FBXO24: variants seen among roughly 807,000 people sequenced by gnomAD.
FBXO24 encodes the protein F-box only protein 24.
FBXO24 carries 30 observed loss-of-function variants against 63.5 expected under a neutral mutation model. The ratio of observed to expected loss-of-function variants is 0.47; its 90% CI spans 0.35 to 0.64. The LOEUF (loss-of-function observed/expected upper bound fraction) is 0.64. Among genes scored for constraint, FBXO24 ranks in the 30% least tolerant of loss-of-function variants. The pLI, the probability that FBXO24 is intolerant of heterozygous loss-of-function variation, is 0.00. For synonymous variants in FBXO24, 300 were observed against 305.0 expected, an observed-to-expected ratio of 0.98 and a Z score of 0.17; for missense variants, 624 against 763.4, an observed-to-expected ratio of 0.82 and a Z score of 2.15.
At position 100,595,127 on chromosome 7, in the gene FBXO24, G is replaced by T. The variant is rs1584429098; in HGVS notation, c.978G>T (p.Val326=). 1.9e-6 allele frequency: 3 copies of T among 1,614,026 alleles called. No homozygotes were observed. Among genetic ancestry groups the T allele is most frequent in the East Asian group, 4.5e-5 (2 of 44,878 alleles). ...VTDQGGVYFE[V]HTPGVYRDLF... ...ACCAGGGGGGAGTGTATTTTGAGGT[G>T]CATACCCCAGGGGTGTATCGCGATC... Residue 326 remains valine (V), a synonymous_variant, in exon 7 of 10, where the codon GTG becomes GTT. Transcript: ENST00000241071.
At chr7:100,595,779 T>A (rs1802278211) in intron 8 of FBXO24, 73 bp downstream of exon 8, 4 of 1,487,138 alleles carry the variant, frequency 2.7e-6, no homozygotes, top group Non-Finnish European at 2.7e-6. Flanking sequence ...TCTGTCCACT[T>A]CTCCAGATTC....
At position 100,600,943 on chromosome 7, in the gene FBXO24, C is replaced by T; in HGVS notation, c.*44C>T. 6.3e-7 allele frequency: 1 copy of T among 1,581,550 alleles called. No individual in the cohort carries two copies. Among genetic ancestry groups the T allele is most frequent in the Non-Finnish European group, 8.6e-7 (1 of 1,165,734 alleles). On this transcript the variant is annotated 3_prime_UTR_variant, in exon 10 of 10. Transcript: ENST00000241071. The surrounding 1 kb of genome is among the most constrained non-coding windows in gnomAD (Gnocchi z 6.3). The stretch of plus-strand genomic sequence containing the variant: ...AGTCCCTGGAGGAGGGAGTCCGGCC[C>T]CAGGCCAGGGACTAAGGAGCAATGA...
At chr7:100,599,909 C>G (rs1331544929) in intron 8 of FBXO24, 122 bp from the exon 9 acceptor site, 2 of 1,137,108 alleles carry the variant, frequency 1.8e-6, no homozygotes, top group Middle Eastern at 2.9e-4. Context: ...TGGGACAGTG[C>G]TGGCTCCCAT....
At position 100,600,600 on chromosome 7, in the gene FBXO24, A is replaced by G; in HGVS notation, c.1444A>G (p.Ile482Val). The stretch of plus-strand genomic sequence containing the variant: ...CCTATACATCCTGTCCAGCCACGAC[A>G]TTGAGCAGCACGCCCCCTATCGCCA... ...ECLYILSSHD[I>V]EQHAPYRHLP... Residue 482 changes from isoleucine to valine, a missense_variant, in exon 10 of 10, where the codon ATT becomes GTT. Physicochemically the swap from Ile to Val is conservative, Grantham distance 29. Coordinates refer to ENST00000241071, the MANE Select transcript of FBXO24 (RefSeq NM_033506.3). This position sits in a 1 kb window ranked among gnomAD's most constrained non-coding sequence, Gnocchi z 6.3. 6.2e-7 allele frequency: 1 copy of G among 1,611,898 alleles called. No homozygotes were observed. Among genetic ancestry groups the G allele is most frequent in the Non-Finnish European group, 8.5e-7 (1 of 1,178,678 alleles).
At chr7:100,588,985 G>A (rs2131259099) in intron 1 of FBXO24, among the ~76,000 whole-genome samples, 1 of 151,774 alleles carries the variant, frequency 6.6e-6, no homozygotes, top group South Asian at 2.1e-4. Context: ...ACCACGCCTG[G>A]GTAATTTTTA....
chr7:100,595,695 G>C lies in FBXO24; in HGVS notation c.1195G>C (p.Glu399Gln). The C allele has an allele frequency of 1.2e-6, 2 of 1,607,486 alleles. No homozygotes were observed. Among genetic ancestry groups the C allele is most frequent in the South Asian group, 1.1e-5 (1 of 90,408 alleles). The change falls in exon 8 of 10, where the codon GAA becomes CAA. Residue 399 changes from glutamate (E) to glutamine (Q), a missense_variant. Physicochemically the swap from Glu to Gln is conservative, Grantham distance 29. Coordinates refer to ENST00000241071, the MANE Select transcript of FBXO24 (RefSeq NM_033506.3). Reference protein sequence around the residue: ...LGTGDKMDRGEPTQVCYLQRP... With the variant: ...LGTGDKMDRGQPTQVCYLQRP... ...AACAGGGGACAAAATGGACCGAGGG[G>C]AACCCACACAGGTGAGACTATTTCC...
At position 100,595,105 on chromosome 7, in the gene FBXO24, A is replaced by G; in HGVS notation, c.956A>G (p.Gln319Arg). 1 of 1,613,816 alleles carries G rather than the reference A, an allele frequency of 6.2e-7. No individual in the cohort carries two copies. Among genetic ancestry groups the G allele is most frequent in the Non-Finnish European group, 8.5e-7 (1 of 1,179,872 alleles). Reference protein sequence around the residue: ...NQSSTLYVTDQGGVYFEVHTP... With the variant: ...NQSSTLYVTDRGGVYFEVHTP... ...CTGAGGGCTCCTGACCCCCCAGACC[A>G]GGGGGGAGTGTATTTTGAGGTGCAT... Residue 319 changes from glutamine to arginine, a missense_variant, in exon 7 of 10, where the codon CAG (glutamine) becomes CGG (arginine). Around this residue, in one of 3 missense-constraint regions of FBXO24, gnomAD observed 391 missense variants for 469.1 expected, o/e 0.83. Coordinates refer to ENST00000241071, the MANE Select transcript of FBXO24 (RefSeq NM_033506.3).
rs138404913 is a variant in FBXO24 at position 100,592,088 on chromosome 7, G to A, written c.558+186G>A. On this transcript the variant is annotated intron_variant, in intron 4 of 9. Coordinates refer to ENST00000241071, the MANE Select transcript of FBXO24 (RefSeq NM_033506.3). ...CCAGCCTGGCCAAATGGCGAAACCC[G>A]TCTCTACTAAAAATACAAAAATTAG... 843 of 564,574 alleles carry A rather than the reference G, an allele frequency of 1.5e-3. 6 individuals carry two copies. The highest frequency in any genetic ancestry group is 0.015 in the African/African-American group (777 of 52,988). 35.0% of individuals were successfully genotyped at this position (564,574 alleles called of 1,614,324 possible). A position where few individuals can be genotyped will look rare whatever the true frequency, so the allele number is the denominator to read the frequency against.
chr7:100,600,905 C>T lies in FBXO24; in HGVS notation c.*6C>T, dbSNP rs1430687487. 2.5e-6 allele frequency: 4 copies of T among 1,609,974 alleles called. No homozygotes were observed. Among genetic ancestry groups the T allele is most frequent in the Non-Finnish European group, 3.4e-6 (4 of 1,178,178 alleles). On this transcript the variant is annotated 3_prime_UTR_variant, in exon 10 of 10. Transcript: ENST00000241071. The surrounding 1 kb of genome is among the most constrained non-coding windows in gnomAD (Gnocchi z 6.3). ...CCCCAGCCCCTGAGACCTAATCCCC[C>T]TCATGCTAGCCTAGTCCCTGGAGGA... is the stretch of plus-strand genomic sequence containing the variant.
intron 1 of FBXO24, chr7:100,586,898 G>C: frequency 2.9e-6 from 1 of 349,304 alleles, no homozygotes; most frequent in Non-Finnish European, 5.7e-6. Flanking sequence ...GGGGTCTCGG[G>C]ACCCCCGGGC....
chr7:100,598,529 G>A (rs1562822045), intron 8 of FBXO24, among the ~76,000 whole-genome samples: 1 of 152,158 alleles, frequency 6.6e-6, no homozygotes, highest in East Asian at 1.9e-4. Context: ...TAGACTGGCT[G>A]TGGGAAGGAA....
Position 100,586,460 on chromosome 7 carries a change from G to T in FBXO24, c.-166G>T. On this transcript the variant is annotated 5_prime_UTR_variant, in exon 1 of 10. In the 5' UTR this introduces an upstream ATG that the reference lacks. Coordinates refer to ENST00000241071, the MANE Select transcript of FBXO24 (RefSeq NM_033506.3). ...AGGGGACACCGGCACTCCACTAGCA[G>T]GAAAACGGGCCGAGGGACCGCAAGC... 1.4e-6 allele frequency: 1 copy of T among 729,556 alleles called. No homozygotes were observed. 45.2% of individuals were successfully genotyped at this position (729,556 alleles called of 1,614,324 possible). A position where few individuals can be genotyped will look rare whatever the true frequency, so the allele number is the denominator to read the frequency against.
intron 8 of FBXO24, among the ~76,000 whole-genome samples, chr7:100,599,027 C>T (rs555823132): frequency 6.7e-5 from 10 of 149,742 alleles, no homozygotes; most frequent in African/African-American, 2.2e-4. Flanking sequence ...GCCCGGAGTT[C>T]GAGATCACCA....
Position 100,594,537 on chromosome 7 carries a change from C to A in FBXO24, c.948C>A (p.Val316=). ...MTSNQSSTLY[V]TDQGGVYFEV... is the part of the protein sequence containing the mutation. ...CCAACCAGAGCAGCACCCTCTACGTCACAGGTATGGACCACCTCCCCCCGG... is the reference window on the plus strand; with the variant it reads ...CCAACCAGAGCAGCACCCTCTACGTAACAGGTATGGACCACCTCCCCCCGG... The change falls in exon 6 of 10, where the codon GTC becomes GTA. Residue 316 remains valine (V), a synonymous_variant. Coordinates refer to ENST00000241071, the MANE Select transcript of FBXO24 (RefSeq NM_033506.3). This position sits in a 1 kb window ranked among gnomAD's most constrained non-coding sequence, Gnocchi z 4.2. 2 of 1,596,456 alleles carry A rather than the reference C, an allele frequency of 1.3e-6. No individual in the cohort carries two copies. Among genetic ancestry groups the A allele is most frequent in the South Asian group, 2.2e-5 (2 of 89,444 alleles).
chr7:100,591,552 C>A, intron 3 of FBXO24, 115 bp from the exon 4 acceptor site: 1 of 872,214 alleles, frequency 1.1e-6, no homozygotes. Context: ...GTTCCCCTGT[C>A]CTGGGGATGG....
Position 100,598,774 on chromosome 7 carries a change from C to T in FBXO24, c.1207-1257C>T, listed in dbSNP as rs1315253853. ...GGTGGATTGCCTGAGCCCAGGAGTT[C>T]GGGACCAGCCTGGGCAACATGGTGA... On this transcript the variant is annotated intron_variant, in intron 8 of 9. Transcript: ENST00000241071. 3.9e-5 allele frequency among the ~76,000 whole-genome samples: 6 copies of T among 152,030 alleles called. No individual in the cohort carries two copies. The South Asian group carries it at 6.2e-4, about 16-fold the overall frequency.
At position 100,595,039 on chromosome 7, in the gene FBXO24, G is replaced by A. The variant is rs959018509; in HGVS notation, c.953-63G>A. 16 of 1,599,168 alleles carry A rather than the reference G, an allele frequency of 1.0e-5. 2 individuals are homozygous for A. The Middle Eastern group carries it at 1.4e-3, about 137-fold the overall frequency. The stretch of plus-strand genomic sequence containing the variant: ...GGATCTTGTAGCTTTCATCCCAGGT[G>A]GGGCCTTATCCCTAGGAAATGGGTG... On this transcript the variant is annotated intron_variant, in intron 6 of 9. Coordinates refer to ENST00000241071, the MANE Select transcript of FBXO24 (RefSeq NM_033506.3).
chr7:100,591,382 T>TA (rs1407005234), intron 3 of FBXO24, among the ~76,000 whole-genome samples: 1 of 152,128 alleles, frequency 6.6e-6, no homozygotes, highest in Admixed American at 6.5e-5. Context: ...TCTTTATTCT[T>TA]AGAGTTTTCC....
At chr7:100,598,796 G>A (rs1802435682) in intron 8 of FBXO24, among the ~76,000 whole-genome samples, 1 of 151,928 alleles carries the variant, frequency 6.6e-6, no homozygotes, top group Admixed American at 6.6e-5. Context: ...GGGCAACATG[G>A]TGAAACCCCG....
Sources: gnomAD v4.1 joint callset for allele counts (sites outside exome capture counted in the v4.1 genomes callset) on GRCh38, gnomAD v4.1.1 for gene constraint, gnomAD v4.1.1 regional missense constraint, Gnocchi (gnomAD v3.1) non-coding constraint, MANE v1.5 for transcripts, NCBI Gene and HGNC (gene_info 2026-07-23, HGNC 2026-07-21) for gene names.